Variants in PELI1 observed in about 807,000 individuals in gnomAD.
PELI1 encodes the protein pellino E3 ubiquitin protein ligase 1.
Under a neutral mutation model 41.3 loss-of-function variants are expected in PELI1, and 15 were observed. That is an observed-to-expected ratio of 0.36 (90% CI 0.24 to 0.56). The LOEUF (loss-of-function observed/expected upper bound fraction) is 0.56, where lower values mean the gene tolerates loss of function less well. Ranked by LOEUF, PELI1 falls within the 20% of genes least tolerant of loss-of-function variation. PELI1 has a pLI of 0.82. For missense variants in PELI1, 403 were observed against 525.5 expected, an observed-to-expected ratio of 0.77 and a Z score of 2.28; for synonymous variants, 178 against 180.1, an observed-to-expected ratio of 0.99 and a Z score of 0.09.
In PELI1 at chr2:64,100,482, G is replaced by T; in HGVS notation, c.219C>A (p.Asp73Glu). ...ATAAAGTATATGATATGCTATGCTG[G>T]TCTTTGTTGCTTATTGCCTAAGAAT... ...PQAAKAISNK[D>E]QHSISYTLSR... Residue 73 changes from aspartate (D) to glutamate (E), a missense_variant, in exon 4 of 7, where the codon GAC becomes GAA. Physicochemically the swap from Asp to Glu is conservative, Grantham distance 45 (BLOSUM62 2). Transcript: ENST00000358912. 1 of 1,578,160 alleles carries T rather than the reference G, an allele frequency of 6.3e-7. No individual in the cohort carries two copies. Among genetic ancestry groups the T allele is most frequent in the Non-Finnish European group, 8.7e-7 (1 of 1,147,748 alleles).
intron 3 of PELI1, chr2:64,104,416 G>C (rs142918661): frequency 1.3e-3 from 356 of 271,230 alleles, no homozygotes; most frequent in African/African-American, 7.0e-3. Context: ...CTAAGTACTA[G>C]ATAAAGCCCT....
chr2:64,109,672 C>T (rs1353537158), intron 1 of PELI1, among the ~76,000 whole-genome samples: 2 of 152,092 alleles, frequency 1.3e-5, no homozygotes, highest in Admixed American at 6.5e-5. Flanking sequence ...CAGAGCAAGA[C>T]TCCATCTCAA....
intron 1 of PELI1, among the ~76,000 whole-genome samples, chr2:64,128,622 A>G (rs1681462580): frequency 6.6e-6 from 1 of 152,160 alleles, no homozygotes. Context: ...AAGGTTTTTA[A>G]AAAATTCTTA....
At chr2:64,116,978 A>T (rs989965477) in intron 1 of PELI1, among the ~76,000 whole-genome samples, 1 of 152,150 alleles carries the variant, frequency 6.6e-6, no homozygotes, top group East Asian at 1.9e-4. Flanking sequence ...TGTTACTGTT[A>T]TAACTGTTTG....
rs138586296 is a variant in PELI1 at position 64,110,318 on chromosome 2, C to T, written c.-69-1939G>A. Reference sequence around the variant, plus strand: ...GAGAGAGAGAACACTGCATTTATAACGACAATTAGACTGACAGTGGAGTTC... The same window carrying T: ...GAGAGAGAGAACACTGCATTTATAATGACAATTAGACTGACAGTGGAGTTC... On this transcript the variant is annotated intron_variant, in intron 1 of 6. Coordinates refer to ENST00000358912, the MANE Select transcript of PELI1 (RefSeq NM_020651.4). Among the ~76,000 whole-genome samples, 3 of 145,834 alleles carry T rather than the reference C, an allele frequency of 2.1e-5. No homozygotes were observed. The East Asian group carries it at 6.0e-4, about 29-fold the overall frequency.
chr2:64,114,448 T>G (rs1351205915), intron 1 of PELI1, among the ~76,000 whole-genome samples: 3 of 152,234 alleles, frequency 2.0e-5, no homozygotes, highest in Admixed American at 6.5e-5. Context: ...TGGAGGTTAC[T>G]ACTTTCTGCT....
chr2:64,141,304 G>GCCC (rs766850456), intron 1 of PELI1, among the ~76,000 whole-genome samples: 2 of 78,210 alleles, frequency 2.6e-5, no homozygotes, highest in Non-Finnish European at 5.0e-5. Context: ...CATGTTTCCC[G>GCCC]CCCCCACCCC....
chr2:64,102,082 C>T (rs1680457497), intron 3 of PELI1, among the ~76,000 whole-genome samples: 1 of 152,088 alleles, frequency 6.6e-6, no homozygotes, highest in Admixed American at 6.6e-5. Context: ...ACCTCGGCCT[C>T]CCAAAGTGCT....
intron 1 of PELI1, among the ~76,000 whole-genome samples, chr2:64,118,774 G>GT (rs1385240311): frequency 6.6e-6 from 1 of 152,030 alleles, no homozygotes; most frequent in Admixed American, 6.5e-5. Context: ...TTAAATTGTA[G>GT]TTGTCTCAAA....
At chr2:64,128,933 A>G (rs1392326450) in intron 1 of PELI1, among the ~76,000 whole-genome samples, 1 of 152,198 alleles carries the variant, frequency 6.6e-6, no homozygotes. Context: ...ATTTGGATCT[A>G]TAAGTTTGAT....
intron 4 of PELI1, among the ~76,000 whole-genome samples, chr2:64,099,978 G>A (rs528179006): frequency 6.6e-6 from 1 of 152,314 alleles, no homozygotes; most frequent in East Asian, 1.9e-4. Context: ...AGAGGAAGGT[G>A]GGAGGTAGTG....
chr2:64,105,733 T>C (rs896011862), intron 2 of PELI1, among the ~76,000 whole-genome samples: 2 of 152,268 alleles, frequency 1.3e-5, no homozygotes, highest in Non-Finnish European at 2.9e-5. Flanking sequence ...TGTCATTCTT[T>C]ACTGCTTCAT....
intron 1 of PELI1, among the ~76,000 whole-genome samples, chr2:64,129,492 A>T (rs1328246777): frequency 3.3e-5 from 5 of 152,186 alleles, no homozygotes; most frequent in Admixed American, 2.0e-4. Context: ...AGTAAACTGC[A>T]ATTACAACCA....
At chr2:64,119,966 A>G (rs1345748834) in intron 1 of PELI1, among the ~76,000 whole-genome samples, 1 of 152,260 alleles carries the variant, frequency 6.6e-6, no homozygotes, top group Non-Finnish European at 1.5e-5. Flanking sequence ...TATTAAGTGA[A>G]ACTGATTTTT....
In PELI1 at chr2:64,094,410, G is replaced by C; in HGVS notation, c.*292C>G. ...CAAAACAATTTCAGCACTGAGGATAGGTGATTCAAAAACACTAAAAGGAAG... is the reference window on the plus strand; with the variant it reads ...CAAAACAATTTCAGCACTGAGGATACGTGATTCAAAAACACTAAAAGGAAG... On this transcript the variant is annotated 3_prime_UTR_variant, in exon 7 of 7. Transcript: ENST00000358912. 1.0e-5 allele frequency: 3 copies of C among 286,892 alleles called. No individual in the cohort carries two copies. The highest frequency in any genetic ancestry group is 6.0e-5 in the South Asian group (1 of 16,570). The allele number at this position is 286,892 out of a possible 1,614,324, so 17.8% of individuals were successfully genotyped here. A position where few individuals can be genotyped will look rare whatever the true frequency, so the allele number is the denominator to read the frequency against.
chr2:64,100,998 AGGATTATAG>A (rs756497812), intron 3 of PELI1, among the ~76,000 whole-genome samples: 7 of 152,150 alleles, frequency 4.6e-5, no homozygotes, highest in Non-Finnish European at 8.8e-5. Flanking sequence ...CCAAAGTGCT[AGGATTATAG>A]GCGTGAGCCA....
intron 1 of PELI1, among the ~76,000 whole-genome samples, chr2:64,131,833 C>G (rs1398657193): frequency 6.6e-6 from 1 of 152,030 alleles, no homozygotes; most frequent in Non-Finnish European, 1.5e-5. Context: ...GTTGGCCAGG[C>G]TGGTCTCGAA....
rs914733172 is a variant in PELI1 at position 64,100,729 on chromosome 2, T to A, written c.202-230A>T. Among the ~76,000 whole-genome samples the A allele has an allele frequency of 5.3e-5, 8 of 152,030 alleles. No homozygotes were observed. In the South Asian group the frequency reaches 6.3e-4, roughly 12 times the overall value. ...CAGTTACAGAATAAAAACATAACTT[T>A]CTTTCTTTTTTTTTAAAGACAGAGT... On this transcript the variant is annotated intron_variant, in intron 3 of 6. Coordinates refer to ENST00000358912, the MANE Select transcript of PELI1 (RefSeq NM_020651.4).
At position 64,096,247 on chromosome 2, in the gene PELI1, C is replaced by A. The variant is rs1396822646; in HGVS notation, c.568G>T (p.Val190Leu). ...GTGAACCCATTGCGTGGATGCATCA[C>A]AAGAACACCATTAGTGGTCAAGCCA... Reference protein sequence around the residue: ...MDGLTTNGVLVMHPRNGFTED... With the variant: ...MDGLTTNGVLLMHPRNGFTED... Residue 190 changes from valine (V) to leucine (L), a missense_variant, in exon 6 of 7, where the codon GTG becomes TTG. By Grantham distance (32) the Val-to-Leu change is conservative. Coordinates refer to ENST00000358912, the MANE Select transcript of PELI1 (RefSeq NM_020651.4). 1.2e-6 allele frequency: 2 copies of A among 1,613,900 alleles called. No homozygotes were observed.
Sources: gnomAD v4.1 joint callset for allele counts (sites outside exome capture counted in the v4.1 genomes callset) on GRCh38, gnomAD v4.1.1 for gene constraint, MANE v1.5 for transcripts, NCBI Gene and HGNC (gene_info 2026-07-23, HGNC 2026-07-21) for gene names.